CAMTA1: variants seen among roughly 807,000 people sequenced by gnomAD.
CAMTA1 encodes the protein calmodulin-binding transcription activator 1.
In CAMTA1, 27 loss-of-function variants were observed where a neutral mutation model predicts 170.9. The ratio of observed to expected loss-of-function variants is 0.16; its 90% CI spans 0.12 to 0.22. CAMTA1 has a LOEUF of 0.22. Among genes scored for constraint, CAMTA1 ranks in the 10% least tolerant of loss-of-function variants. CAMTA1 has a pLI of 1.00. For missense variants in CAMTA1, 1,619 were observed against 2,217.2 expected, an observed-to-expected ratio of 0.73 and a Z score of 5.42; for synonymous variants, 833 against 891.5, an observed-to-expected ratio of 0.93 and a Z score of 1.17.
At chr1:6,899,541 C>T (rs560315347) in intron 3 of CAMTA1, among the ~76,000 whole-genome samples, 11 of 94,244 alleles carry the variant, frequency 1.2e-4, no homozygotes, top group South Asian at 3.4e-4. Flanking sequence ...GTGTATAACG[C>T]GCACGCGCGC....
chr1:6,916,972 C>T (rs1009493755), intron 3 of CAMTA1, among the ~76,000 whole-genome samples: 2 of 152,136 alleles, frequency 1.3e-5, no homozygotes, highest in Non-Finnish European at 2.9e-5. Context: ...CATAGAAAAG[C>T]CCACGTAGTC....
chr1:7,697,722 G>A (rs535471543), intron 11 of CAMTA1, among the ~76,000 whole-genome samples: 47 of 152,272 alleles, frequency 3.1e-4, no homozygotes, highest in African/African-American at 9.1e-4. Context: ...TGTCCATTAG[G>A]AGAAACCTGC....
chr1:7,656,352 G>A (rs1312497593), intron 7 of CAMTA1, among the ~76,000 whole-genome samples: 1 of 152,188 alleles, frequency 6.6e-6, no homozygotes, highest in Non-Finnish European at 1.5e-5. Flanking sequence ...CCTTCTCACT[G>A]CTTCCTCATA....
chr1:7,465,375 T>C (rs2093186209), intron 5 of CAMTA1, among the ~76,000 whole-genome samples: 1 of 152,168 alleles, frequency 6.6e-6, no homozygotes. Flanking sequence ...TTTGTGTAGC[T>C]TTTTTCTTTC....
chr1:6,841,476 TGG>T (rs1487981554), intron 3 of CAMTA1, among the ~76,000 whole-genome samples: 2 of 151,866 alleles, frequency 1.3e-5, no homozygotes, highest in African/African-American at 4.8e-5. Flanking sequence ...CCTCAATGGG[TGG>T]TTCCAGTGGA....
At chr1:7,338,050 A>G (rs931603537) in intron 5 of CAMTA1, among the ~76,000 whole-genome samples, 1 of 142,636 alleles carries the variant, frequency 7.0e-6, no homozygotes. Context: ...TATATATTAT[A>G]TACACACAAT....
chr1:7,652,246 C>G (rs1367790582), intron 7 of CAMTA1, among the ~76,000 whole-genome samples: 2 of 152,202 alleles, frequency 1.3e-5, no homozygotes, highest in African/African-American at 4.8e-5. Flanking sequence ...CCCCAGCTCC[C>G]AGGCTTGGAT....
At chr1:7,706,416 T>A (rs1307312286) in intron 11 of CAMTA1, among the ~76,000 whole-genome samples, 1 of 152,238 alleles carries the variant, frequency 6.6e-6, no homozygotes, top group African/African-American at 2.4e-5. Context: ...TTTCTCTTAC[T>A]ACCTTGAGGA....
At chr1:7,288,908 T>C (rs527525712) in intron 5 of CAMTA1, among the ~76,000 whole-genome samples, 2 of 152,156 alleles carry the variant, frequency 1.3e-5, no homozygotes, top group Non-Finnish European at 2.9e-5. Context: ...ATGCCTGAGA[T>C]TGGGTAATTT....
intron 5 of CAMTA1, among the ~76,000 whole-genome samples, chr1:7,264,276 G>T (rs72861894): frequency 0.012 from 1,891 of 152,326 alleles, 45 homozygotes; most frequent in African/African-American, 0.043. Flanking sequence ...TGGTGCCACG[G>T]ATCCTACTTT....
At chr1:7,660,332 A>G (rs2095944316) in intron 7 of CAMTA1, among the ~76,000 whole-genome samples, 1 of 152,206 alleles carries the variant, frequency 6.6e-6, no homozygotes, top group African/African-American at 2.4e-5. Context: ...CTTCCAAAGT[A>G]TTAGGATTAT....
chr1:6,940,360 G>T (rs1436467869), intron 3 of CAMTA1, among the ~76,000 whole-genome samples: 1 of 152,224 alleles, frequency 6.6e-6, no homozygotes, highest in Non-Finnish European at 1.5e-5. Flanking sequence ...CAGGCAGGCA[G>T]AGAGAGGGTT....
chr1:7,085,349 C>T (rs2148066807), intron 3 of CAMTA1, among the ~76,000 whole-genome samples: 1 of 152,366 alleles, frequency 6.6e-6, no homozygotes, highest in East Asian at 1.9e-4. Context: ...CTTGAGGTGA[C>T]ATCCTTTGGA....
In CAMTA1 at chr1:7,007,580, G is replaced by C. The variant is rs1403987098; in HGVS notation, c.235-83724G>C. Among the ~76,000 whole-genome samples, 1 of 152,026 alleles carries C rather than the reference G, an allele frequency of 6.6e-6. No homozygotes were observed. The highest frequency in any genetic ancestry group is 2.4e-5 in the African/African-American group (1 of 41,374). On this transcript the variant is annotated intron_variant, in intron 3 of 22. Transcript: ENST00000303635. This position sits in a 1 kb window ranked among gnomAD's most constrained non-coding sequence, Gnocchi z 4.5. ...TTACCTCCTGCTTCAGCCCTTACTC[G>C]CCTCCTCCAATCCCAAACTCCTCCC...
intron 5 of CAMTA1, among the ~76,000 whole-genome samples, chr1:7,448,998 A>G (rs1453179284): frequency 6.6e-6 from 1 of 152,238 alleles, no homozygotes; most frequent in East Asian, 1.9e-4. Context: ...CCCAAAACAA[A>G]CAATAACCTG....
chr1:6,937,027 C>T (rs770234296), intron 3 of CAMTA1, among the ~76,000 whole-genome samples: 23 of 152,044 alleles, frequency 1.5e-4, no homozygotes, highest in Non-Finnish European at 2.9e-4. Flanking sequence ...ATTCCACTGC[C>T]GTCTCCATCA....
chr1:7,011,746 G>A (rs547160203), intron 3 of CAMTA1, among the ~76,000 whole-genome samples: 1 of 152,258 alleles, frequency 6.6e-6, no homozygotes, highest in Admixed American at 6.5e-5. Flanking sequence ...TCTACAAGGC[G>A]AGAAACTCTG....
chr1:7,004,113 A>G (rs1436714832), intron 3 of CAMTA1, among the ~76,000 whole-genome samples: 1 of 152,230 alleles, frequency 6.6e-6, no homozygotes, highest in Non-Finnish European at 1.5e-5. Flanking sequence ...ATTATGGTGG[A>G]CACAATATTA....
chr1:6,799,925 C>T (rs919844899), intron 1 of CAMTA1, among the ~76,000 whole-genome samples: 1 of 152,070 alleles, frequency 6.6e-6, no homozygotes, highest in African/African-American at 2.4e-5. Flanking sequence ...GGCTTGCTTT[C>T]CTGATATTCA....
Sources: allele counts gnomAD v4.1 joint callset (sites outside exome capture counted in the v4.1 genomes callset), GRCh38; gene constraint gnomAD v4.1.1; non-coding constraint Gnocchi (gnomAD v3.1); transcripts MANE v1.5; gene names NCBI Gene and HGNC (gene_info 2026-07-23, HGNC 2026-07-21).